Variants in ANKDD1A observed in about 807,000 individuals in gnomAD.
The protein encoded by ANKDD1A is ankyrin repeat and death domain-containing protein 1A.
In ANKDD1A, 59 loss-of-function variants were observed where a neutral mutation model predicts 63.5. The ratio of observed to expected loss-of-function variants is 0.93; its 90% CI spans 0.75 to 1.15. ANKDD1A has a LOEUF of 1.15. Among genes scored for constraint, ANKDD1A ranks in the 50% most tolerant of loss-of-function variants. The pLI is 0.00. For missense variants in ANKDD1A, 632 were observed against 656.4 expected (o/e 0.96, Z 0.41); for synonymous variants, 266 against 263.9 (o/e 1.01, Z -0.08).
At chr15:64,927,755 C>A (rs970649231) in intron 6 of ANKDD1A, among the ~76,000 whole-genome samples, 1 of 152,128 alleles carries the variant, frequency 6.6e-6, no homozygotes. Flanking sequence ...TAGGCGCCCG[C>A]CACCACACCC....
intron 9 of ANKDD1A, among the ~76,000 whole-genome samples, chr15:64,937,983 T>C (rs28880003): frequency 0.86 from 130,629 of 152,086 alleles, 58,238 homozygotes; most frequent in East Asian, 0.99. Context: ...GATGATTAGG[T>C]TGTGTCAAAA....
intron 14 of ANKDD1A, among the ~76,000 whole-genome samples, chr15:64,952,251 C>T (rs2085302415): frequency 6.1e-5 from 9 of 147,462 alleles, no homozygotes; most frequent in African/African-American, 2.2e-4. Flanking sequence ...TCTTATTCTT[C>T]TCCTTCTTCC....
chr15:64,914,827 G>A (rs974875433), intron 1 of ANKDD1A, among the ~76,000 whole-genome samples: 2 of 152,188 alleles, frequency 1.3e-5, no homozygotes, highest in African/African-American at 4.8e-5. Context: ...GTCTGACCCT[G>A]AGCCCACAGG....
At chr15:64,917,320 T>G (rs1595845894) in intron 2 of ANKDD1A, 66 bp from the exon 3 acceptor site, 5 of 1,507,166 alleles carry the variant, frequency 3.3e-6, no homozygotes, top group Non-Finnish European at 4.5e-6. Flanking sequence ...TGGGGGAGGG[T>G]GTGGGAGGTG....
Position 64,934,210 on chromosome 15 carries a change from A to C in ANKDD1A, c.843A>C (p.Gly281=). ...EDVSRVLIHA[G]GCANVVDHQG... ...TGTCTCGGGTCCTCATCCACGCAGG[A>C]GGCTGCGCCAACGTGGTTGATCATG... Residue 281 remains glycine (G), a synonymous_variant, in exon 9 of 15, where the codon GGA becomes GGC. Coordinates refer to ENST00000319580, the MANE Select transcript of ANKDD1A (RefSeq NM_182703.6). 6.2e-7 allele frequency: 1 copy of C among 1,612,336 alleles called. No homozygotes were observed. The highest frequency in any genetic ancestry group is 8.5e-7 in the Non-Finnish European group (1 of 1,179,182).
intron 9 of ANKDD1A, 96 bp from the exon 10 acceptor site, chr15:64,942,371 C>T: frequency 1.1e-6 from 1 of 917,414 alleles, no homozygotes; most frequent in Non-Finnish European, 1.6e-6. Flanking sequence ...AACCCAGAAG[C>T]ACTATACTCT....
At chr15:64,953,958 TC>T (rs1288777334) in intron 14 of ANKDD1A, among the ~76,000 whole-genome samples, 22 of 22,522 alleles carry the variant, frequency 9.8e-4, no homozygotes, top group East Asian at 5.1e-3. Context: ...TTCTATTGTT[TC>T]TTTTTTTCTT....
At position 64,953,802 on chromosome 15, in the gene ANKDD1A, CT is replaced by C. The variant is rs143700483; in HGVS notation, c.1484-3294del. On this transcript the variant is annotated intron_variant, in intron 14 of 14. Coordinates refer to ENST00000319580, the MANE Select transcript of ANKDD1A (RefSeq NM_182703.6). Reference sequence around the variant, plus strand: ...TTTTCTTTCTTCTGCTTTCTTCTTCCTTTTTTTCTTCTTCCTTATTCTTTTC... The same window carrying C: ...TTTTCTTTCTTCTGCTTTCTTCTTCCTTTTTTCTTCTTCCTTATTCTTTTC... Among the ~76,000 whole-genome samples the C allele has an allele frequency of 5.4e-4, 72 of 132,328 alleles. 2 individuals carry two copies. Among genetic ancestry groups the C allele is most frequent in the African/African-American group, 1.3e-3 (48 of 37,150 alleles). 86.8% of individuals were successfully genotyped at this position (132,328 alleles called of 152,430 possible).
rs116272109 is a variant in ANKDD1A at position 64,917,858 on chromosome 15, C to T, written c.267+344C>T. Among the ~76,000 whole-genome samples, 723 of 152,318 alleles carry T rather than the reference C, an allele frequency of 4.7e-3. 9 individuals are homozygous for T. The highest frequency in any genetic ancestry group is 0.017 in the African/African-American group (690 of 41,572). On this transcript the variant is annotated intron_variant, in intron 3 of 14. Transcript: ENST00000319580. ...AGGAGGAAAGTCTCTCATGATATGC[C>T]ACAGGGCTCTGCCCTGGCTAACACT...
In ANKDD1A at chr15:64,944,760, C is replaced by T; in HGVS notation, c.1161+13C>T. The stretch of plus-strand genomic sequence containing the variant: ...CAGATGGGAGAAGGTACGGAGGCCT[C>T]ACGCTTGATCTTTCCTCATTGGAAA... On this transcript the variant is annotated intron_variant, in intron 12 of 14. Transcript: ENST00000319580. 4 of 1,611,948 alleles carry T rather than the reference C, an allele frequency of 2.5e-6. No homozygotes were observed. The highest frequency in any genetic ancestry group is 3.4e-6 in the Non-Finnish European group (4 of 1,178,412).
Position 64,944,763 on chromosome 15 carries a change from G to A in ANKDD1A, c.1161+16G>A, listed in dbSNP as rs766034694. On this transcript the variant is annotated intron_variant, in intron 12 of 14. Coordinates refer to ENST00000319580, the MANE Select transcript of ANKDD1A (RefSeq NM_182703.6). ...ATGGGAGAAGGTACGGAGGCCTCAC[G>A]CTTGATCTTTCCTCATTGGAAAGGG... 19 of 1,611,562 alleles carry A rather than the reference G, an allele frequency of 1.2e-5. No individual in the cohort carries two copies. Among genetic ancestry groups the A allele is most frequent in the Non-Finnish European group, 1.5e-5 (18 of 1,178,262 alleles).
At chr15:64,927,845 T>C (rs190318581) in intron 6 of ANKDD1A, among the ~76,000 whole-genome samples, 163 of 152,244 alleles carry the variant, frequency 1.1e-3, no homozygotes, top group Non-Finnish European at 1.8e-3. Context: ...GACCTCGTGA[T>C]CCACCCGCCT....
At chr15:64,945,036 G>C (rs1276439162) in intron 12 of ANKDD1A, among the ~76,000 whole-genome samples, 2 of 152,214 alleles carry the variant, frequency 1.3e-5, no homozygotes, top group African/African-American at 2.4e-5. Context: ...AATGCATACA[G>C]ACATGTGAAA....
At chr15:64,952,109 CTTCTTCT>C (rs2085298020) in intron 14 of ANKDD1A, among the ~76,000 whole-genome samples, 5 of 22,344 alleles carry the variant, frequency 2.2e-4, no homozygotes, top group African/African-American at 3.6e-4. Context: ...TCCTTCTTTT[CTTCTTCT>C]TTCTTCTCTT....
intron 14 of ANKDD1A, among the ~76,000 whole-genome samples, chr15:64,953,539 C>CTTCTTCCTTCTCCTTCT (rs2085345302): frequency 1.6e-4 from 1 of 6,222 alleles, no homozygotes; most frequent in Non-Finnish European, 8.9e-4. Context: ...TTCTCCTCTC[C>CTTCTTCCTTCTCCTTCT]TTCTTCCTTC....
intron 14 of ANKDD1A, among the ~76,000 whole-genome samples, chr15:64,951,819 CTCTTCTTCATCCTTCTTATTCTTTCTTCT>C (rs2085288282): frequency 8.8e-6 from 1 of 113,696 alleles, no homozygotes; most frequent in African/African-American, 3.4e-5. Flanking sequence ...TTCTTTCTTC[CTCTTCTTCATCCTTCTTATTCTTTCTTCT>C]TCTTTCTTCT....
intron 1 of ANKDD1A, among the ~76,000 whole-genome samples, chr15:64,914,959 T>C (rs2084958335): frequency 6.6e-6 from 1 of 151,022 alleles, no homozygotes; most frequent in East Asian, 2.0e-4. Flanking sequence ...AGAAGGAAAA[T>C]CAGGGTAGCC....
chr15:64,918,086 G>A (rs1193755798), intron 3 of ANKDD1A, among the ~76,000 whole-genome samples: 1 of 152,214 alleles, frequency 6.6e-6, no homozygotes, highest in East Asian at 1.9e-4. Flanking sequence ...AAAAGCGCCT[G>A]GGCGCGATGG....
chr15:64,914,812 A>ACC (rs2308036), intron 1 of ANKDD1A, among the ~76,000 whole-genome samples: 38,379 of 152,012 alleles, frequency 0.25, 5,912 homozygotes, highest in East Asian at 0.74. Context: ...TCAGAGACTA[A>ACC]TGCAGTCTGA....
Sources: gnomAD v4.1 joint callset for allele counts (sites outside exome capture counted in the v4.1 genomes callset) on GRCh38, gnomAD v4.1.1 for gene constraint, MANE v1.5 for transcripts, NCBI Gene and HGNC (gene_info 2026-07-23, HGNC 2026-07-21) for gene names.